PLCH2: variants seen among roughly 807,000 people sequenced by gnomAD.
PLCH2 encodes the protein 1-phosphatidylinositol 4,5-bisphosphate phosphodiesterase eta-2.
PLCH2 carries 98 observed loss-of-function variants against 134.7 expected under a neutral mutation model. The ratio of observed to expected loss-of-function variants is 0.73; its 90% CI spans 0.62 to 0.86. The LOEUF is 0.86. PLCH2 is among the 40% of genes least tolerant of loss of function. The pLI is 0.00. For synonymous variants in PLCH2, 974 were observed against 827.5 expected (o/e 1.18, Z -3.04); for missense variants, 1,994 against 1,986.6 (o/e 1.00, Z -0.07).
intron 2 of PLCH2, among the ~76,000 whole-genome samples, chr1:2,442,350 G>A (rs988829427): frequency 6.6e-6 from 1 of 152,218 alleles, no homozygotes; most frequent in African/African-American, 2.4e-5. Flanking sequence ...GCCAGGGCCA[G>A]ATGGTGGGCA....
chr1:2,477,891 G>A lies in PLCH2; in HGVS notation c.125-585G>A, dbSNP rs149624696. 2.6e-5 allele frequency among the ~76,000 whole-genome samples: 4 copies of A among 152,334 alleles called. No individual in the cohort carries two copies. The East Asian group carries it at 7.7e-4, about 29-fold the overall frequency. ...CCCAGGCAGGGGCACAGGCACTCAGGAATTCGACCGCTCCCAGGAGCCACC... is the reference window on the plus strand; with the variant it reads ...CCCAGGCAGGGGCACAGGCACTCAGAAATTCGACCGCTCCCAGGAGCCACC... On this transcript the variant is annotated intron_variant, in intron 1 of 21. Transcript: ENST00000378486.
chr1:2,416,047 C>T, the PLCH2 span, among the ~76,000 whole-genome samples: 3 of 152,362 alleles, frequency 2.0e-5, no homozygotes, highest in South Asian at 2.1e-4. Context: ...ACACCCAGTG[C>T]GGTGGGCAGC....
intron 2 of PLCH2, among the ~76,000 whole-genome samples, chr1:2,434,603 C>T (rs1401033360): frequency 2.0e-5 from 3 of 152,244 alleles, no homozygotes; most frequent in African/African-American, 7.2e-5. Context: ...GACACTGGGC[C>T]GTGGGACCCT....
At chr1:2,486,491 G>C (rs114871065) in intron 5 of PLCH2, among the ~76,000 whole-genome samples, 4,146 of 152,340 alleles carry the variant, frequency 0.027, 73 homozygotes, top group African/African-American at 0.048. Flanking sequence ...CTCTTGGGAG[G>C]GTTAGTGTGT....
intron 21 of PLCH2, 153 bp from the exon 22 acceptor site, chr1:2,503,769 G>A (rs745370386): frequency 3.2e-6 from 2 of 615,690 alleles, no homozygotes; most frequent in South Asian, 1.8e-5. Context: ...GCGCCCGGGG[G>A]ATGCCTCGGG....
intron 9 of PLCH2, 37 bp downstream of exon 9, chr1:2,489,415 C>T (rs1456094714): frequency 1.9e-6 from 3 of 1,605,192 alleles, no homozygotes; most frequent in South Asian, 1.1e-5. Context: ...CCAGCTCACA[C>T]AGAGTCTCGG....
chr1:2,433,203 G>C (rs927564626), intron 2 of PLCH2, among the ~76,000 whole-genome samples: 1 of 152,244 alleles, frequency 6.6e-6, no homozygotes, highest in Non-Finnish European at 1.5e-5. Flanking sequence ...GGCCCCCGCT[G>C]TGTACGTGCT....
upstream of PLCH2, among the ~76,000 whole-genome samples, chr1:2,474,992 A>G (rs534580890): frequency 6.6e-6 from 1 of 152,174 alleles, no homozygotes; most frequent in East Asian, 1.9e-4. Flanking sequence ...CCCTAATCTA[A>G]TTCCACGGCA....
At chr1:2,503,603 C>T (rs530124359) in intron 21 of PLCH2, 36 of 696,418 alleles carry the variant, frequency 5.2e-5, no homozygotes, top group Middle Eastern at 2.4e-4. Context: ...CCCCCACCCA[C>T]GCTGCCTCCG....
chr1:2,444,120 G>T lies in PLCH2; in HGVS notation c.115+13491G>T, dbSNP rs577631013. On this transcript the variant is annotated intron_variant, in intron 2 of 3. Coordinates refer to the PLCH2 transcript ENST00000609981. The surrounding 1 kb of genome is among the most constrained non-coding windows in gnomAD (Gnocchi z 4.6). Reference sequence around the variant, plus strand: ...GCTCGGATCGCGGTGGCACGGGCAGGGGTGCGGGCGCGGGACTGTGGGCGG... The same window carrying T: ...GCTCGGATCGCGGTGGCACGGGCAGTGGTGCGGGCGCGGGACTGTGGGCGG... Among the ~76,000 whole-genome samples the T allele has an allele frequency of 1.4e-4, 22 of 152,080 alleles. No homozygotes were observed. Among genetic ancestry groups the T allele is most frequent in the African/African-American group, 4.8e-4 (20 of 41,436 alleles).
intron 9 of PLCH2, 126 bp from the exon 10 acceptor site, chr1:2,489,634 C>A: frequency 2.5e-6 from 2 of 813,050 alleles, no homozygotes; most frequent in South Asian, 1.6e-5. Flanking sequence ...TGCCCCATGG[C>A]TGAGATGCCA....
chr1:2,476,660 C>A lies in PLCH2; in HGVS notation c.72C>A (p.Leu24=), dbSNP rs1273559882. The A allele has an allele frequency of 6.2e-7, 1 of 1,610,084 alleles. No homozygotes were observed. Among genetic ancestry groups the A allele is most frequent in the Non-Finnish European group, 8.5e-7 (1 of 1,178,952 alleles). ...GTVAWLAEVL[L]WVGGSVVLSS... is the part of the protein sequence containing the mutation. Reference sequence around the variant, plus strand: ...TGGCCTGGCTGGCGGAGGTACTCCTCTGGGTTGGAGGGAGTGTGGTGCTGT... The same window carrying A: ...TGGCCTGGCTGGCGGAGGTACTCCTATGGGTTGGAGGGAGTGTGGTGCTGT... Residue 24 remains leucine, a synonymous_variant, in exon 1 of 22, where the codon CTC becomes CTA. Transcript: ENST00000378486.
intron 2 of PLCH2, among the ~76,000 whole-genome samples, chr1:2,446,438 C>T (rs1262248689): frequency 5.3e-5 from 8 of 152,214 alleles, no homozygotes; most frequent in Admixed American, 5.2e-4. Flanking sequence ...ACTGGGGCCC[C>T]AGGCAGAAGC....
intron 2 of PLCH2, among the ~76,000 whole-genome samples, chr1:2,442,748 C>A (rs890229144): frequency 3.3e-5 from 5 of 152,224 alleles, no homozygotes; most frequent in African/African-American, 7.2e-5. Context: ...AAGCTGGGGG[C>A]TCTGAGTGCA....
intron 2 of PLCH2, among the ~76,000 whole-genome samples, chr1:2,451,587 G>A (rs947069590): frequency 6.6e-6 from 1 of 152,156 alleles, no homozygotes; most frequent in Non-Finnish European, 1.5e-5. Context: ...ACCGTGGAGG[G>A]CAGCCCTGTG....
At chr1:2,451,985 G>T (rs1375617681) in intron 2 of PLCH2, among the ~76,000 whole-genome samples, 1 of 152,228 alleles carries the variant, frequency 6.6e-6, no homozygotes, top group Non-Finnish European at 1.5e-5. Context: ...CCTGTGAAGT[G>T]AGGTCTGCTC....
intron 6 of PLCH2, 29 bp downstream of exon 6, chr1:2,487,029 T>C: frequency 6.4e-7 from 1 of 1,558,858 alleles, no homozygotes; most frequent in South Asian, 1.2e-5. Context: ...TCAGCCCAGC[T>C]GTCCTGGGAT....
At chr1:2,489,484 C>A in intron 9 of PLCH2, 106 bp downstream of exon 9, 1 of 1,230,216 alleles carries the variant, frequency 8.1e-7, no homozygotes, top group Non-Finnish European at 1.1e-6. Context: ...ATGGGCATAT[C>A]TAGGGGGCTG....
intron 2 of PLCH2, among the ~76,000 whole-genome samples, chr1:2,449,153 C>T (rs899499879): frequency 1.4e-5 from 2 of 142,340 alleles, no homozygotes; most frequent in Admixed American, 6.9e-5. Flanking sequence ...CCGCCCCCCA[C>T]CACCCAGAGG....
Sources: gnomAD v4.1 joint callset for allele counts (sites outside exome capture counted in the v4.1 genomes callset) on GRCh38, gnomAD v4.1.1 for gene constraint, Gnocchi (gnomAD v3.1) non-coding constraint, MANE v1.5 for transcripts, NCBI Gene and HGNC (gene_info 2026-07-23, HGNC 2026-07-21) for gene names.